Variants in FOXO3 observed in about 807,000 individuals in gnomAD.
FOXO3 encodes forkhead box protein O3.
Under a neutral mutation model 41.9 loss-of-function variants are expected in FOXO3, and 4 were observed. The observed-to-expected ratio is 0.10, with a 90% CI of 0.05 to 0.22. The LOEUF (loss-of-function observed/expected upper bound fraction) is 0.22, where lower values mean the gene tolerates loss of function less well. Ranked by LOEUF, FOXO3 falls within the 10% of genes least tolerant of loss-of-function variation. The pLI, the probability that FOXO3 is intolerant of heterozygous loss-of-function variation, is 1.00. For missense variants in FOXO3, 534 were observed against 906.8 expected (o/e 0.59, Z 5.28); for synonymous variants, 318 against 389.3 (o/e 0.82, Z 2.16).
chr6:108,565,536 T>G (rs1470268863), intron 1 of FOXO3, among the ~76,000 whole-genome samples: 1 of 152,224 alleles, frequency 6.6e-6, no homozygotes, highest in African/African-American at 2.4e-5. Context: ...ACAGCACACA[T>G]CTGCTTTTCC....
chr6:108,666,639 G>A (rs745633521), intron 2 of FOXO3, among the ~76,000 whole-genome samples: 20 of 151,910 alleles, frequency 1.3e-4, no homozygotes, highest in East Asian at 1.9e-4. Context: ...CACCGTGCCC[G>A]GCCTAGATTC....
At position 108,641,189 on chromosome 6, in the gene FOXO3, C is replaced by T. The variant is rs140867209; in HGVS notation, c.622-22266C>T. The stretch of plus-strand genomic sequence containing the variant: ...CCTCCCAGAGTGCTGGGATTATAAG[C>T]GTTAGCCACCTTGACTGGCTGGAAA... On this transcript the variant is annotated intron_variant, in intron 1 of 2. Transcript: ENST00000406360. 1.4e-3 allele frequency among the ~76,000 whole-genome samples: 216 copies of T among 152,202 alleles called. 2 individuals are homozygous for T. Among genetic ancestry groups the T allele is most frequent in the Middle Eastern group, 0.01 (3 of 294 alleles).
chr6:108,667,598 A>C (rs1779100385), intron 2 of FOXO3, among the ~76,000 whole-genome samples: 1 of 152,216 alleles, frequency 6.6e-6, no homozygotes, highest in Admixed American at 6.5e-5. Flanking sequence ...GATTGTACAG[A>C]AAATTAAGGG....
chr6:108,604,969 T>G (rs949114705), intron 1 of FOXO3, among the ~76,000 whole-genome samples: 9 of 152,224 alleles, frequency 5.9e-5, no homozygotes, highest in African/African-American at 1.9e-4. Flanking sequence ...TACTTTATAC[T>G]GTTCCACCAC....
In FOXO3 at chr6:108,586,387, C is replaced by T. The variant is rs12664353; in HGVS notation, c.621+24558C>T. Among the ~76,000 whole-genome samples, 152 of 152,296 alleles carry T rather than the reference C, an allele frequency of 1.0e-3. 2 individuals are homozygous for T. In the East Asian group the frequency reaches 0.019, roughly 19 times the overall value. On this transcript the variant is annotated intron_variant, in intron 1 of 2. Coordinates refer to ENST00000406360, the MANE Select transcript of FOXO3 (RefSeq NM_001455.4). ...ATAAAGAGAACACTGATCTAATAAA[C>T]GACATTCTCCTGCTTGAAACTTGGT...
At chr6:108,635,272 G>A (rs1301886303) in intron 1 of FOXO3, among the ~76,000 whole-genome samples, 1 of 151,984 alleles carries the variant, frequency 6.6e-6, no homozygotes, top group Non-Finnish European at 1.5e-5. Flanking sequence ...TGTGGCCTGG[G>A]CAACAGAGCA....
At chr6:108,560,295 T>TC (rs1258730634), upstream of FOXO3, among the ~76,000 whole-genome samples, 1 of 151,996 alleles carries the variant, frequency 6.6e-6, no homozygotes, top group African/African-American at 2.4e-5. Flanking sequence ...ACTCGCTCCC[T>TC]CCCCCGGATC....
At chr6:108,659,215 A>AT (rs904247377) in intron 1 of FOXO3, among the ~76,000 whole-genome samples, 2 of 151,710 alleles carry the variant, frequency 1.3e-5, no homozygotes, top group Non-Finnish European at 2.9e-5. Context: ...TTAAAAAAAA[A>AT]TTTTTTTTTA....
At chr6:108,603,908 AAG>A (rs1764579560) in intron 1 of FOXO3, among the ~76,000 whole-genome samples, 1 of 152,194 alleles carries the variant, frequency 6.6e-6, no homozygotes, top group African/African-American at 2.4e-5. Context: ...TTTATTTAAA[AAG>A]AAGTATTTTT....
intron 1 of FOXO3, among the ~76,000 whole-genome samples, chr6:108,656,763 CA>C (rs2128384619): frequency 6.6e-6 from 1 of 152,368 alleles, no homozygotes; most frequent in Non-Finnish European, 1.5e-5. Flanking sequence ...TTCTCTCTCA[CA>C]CCTAATCTGA....
intron 1 of FOXO3, among the ~76,000 whole-genome samples, chr6:108,630,241 G>A (rs1777926991): frequency 6.6e-6 from 1 of 152,096 alleles, no homozygotes; most frequent in Non-Finnish European, 1.5e-5. Context: ...TGAAGAGGAG[G>A]GTACAAGGAA....
At chr6:108,623,520 C>T (rs1777730305) in intron 1 of FOXO3, among the ~76,000 whole-genome samples, 1 of 152,172 alleles carries the variant, frequency 6.6e-6, no homozygotes, top group South Asian at 2.1e-4. Flanking sequence ...TAGGCTTCAG[C>T]TTTGGGAAAG....
chr6:108,600,808 A>G (rs1171965406), intron 1 of FOXO3, among the ~76,000 whole-genome samples: 3 of 152,182 alleles, frequency 2.0e-5, no homozygotes, highest in Non-Finnish European at 4.4e-5. Context: ...TTATGTCATT[A>G]AATAATCATC....
intron 1 of FOXO3, among the ~76,000 whole-genome samples, chr6:108,646,142 A>G (rs1582811195): frequency 6.6e-6 from 1 of 152,280 alleles, no homozygotes; most frequent in African/African-American, 2.4e-5. Context: ...AATGGAGGCC[A>G]AAAGGAGGAA....
intron 1 of FOXO3, among the ~76,000 whole-genome samples, chr6:108,581,392 A>T (rs964187902): frequency 1.3e-5 from 2 of 152,154 alleles, no homozygotes; most frequent in African/African-American, 4.8e-5. Flanking sequence ...TAGTTGTGTG[A>T]TTGTGATGAA....
At position 108,561,426 on chromosome 6, in the gene FOXO3, C is replaced by G; in HGVS notation, c.218C>G (p.Ala73Gly). 2 of 1,538,110 alleles carry G rather than the reference C, an allele frequency of 1.3e-6. No homozygotes were observed. The highest frequency in any genetic ancestry group is 2.4e-5 in the South Asian group (2 of 82,432). Reference protein sequence around the residue: ...DEDDEDGGGRAGSAMAIGGGG... With the variant: ...DEDDEDGGGRGGSAMAIGGGG... ...GACGACGAGGACGGCGGGGGACGGG[C>G]CGGCTCGGCCATGGCGATCGGCGGC... is the stretch of plus-strand genomic sequence containing the variant. Residue 73 changes from alanine to glycine, a missense_variant, in exon 1 of 3, where the codon GCC becomes GGC. This residue lies in a region of FOXO3 where 139 missense variants were observed against 163.7 expected (regional missense o/e 0.85). Transcript: ENST00000406360.
In FOXO3 at chr6:108,680,796, A is replaced by C. The variant is rs2128394191; in HGVS notation, c.*1004A>C. 1 of 152,314 alleles carries C rather than the reference A, an allele frequency of 6.6e-6. No homozygotes were observed. The highest frequency in any genetic ancestry group is 2.1e-4 in the South Asian group (1 of 4,820). The allele number at this position is 152,314 out of a possible 1,614,324, so 9.4% of individuals were successfully genotyped here. A position where few individuals can be genotyped will look rare whatever the true frequency, so the allele number is the denominator to read the frequency against. On this transcript the variant is annotated 3_prime_UTR_variant, in exon 3 of 3. Transcript: ENST00000406360. ...AAGTCCTGTTTTGCTTTGCAGAACA[A>C]ATGAACTTACAGGTGAGCATTAAGC...
chr6:108,649,103 T>TA (rs1194757270), intron 1 of FOXO3, among the ~76,000 whole-genome samples: 1 of 151,624 alleles, frequency 6.6e-6, no homozygotes, highest in Non-Finnish European at 1.5e-5. Context: ...AGGGATCTGT[T>TA]ATTCTCTCAT....
rs1206773672 is a variant in FOXO3, at chr6:108,682,126, C to G, written c.*2334C>G. Reference sequence around the variant, plus strand: ...TACTTACCTTTGCAGTTTTACAGACCCTGGGAGCTGCTTTGGGAGTGAGAA... The same window carrying G: ...TACTTACCTTTGCAGTTTTACAGACGCTGGGAGCTGCTTTGGGAGTGAGAA... On this transcript the variant is annotated 3_prime_UTR_variant, in exon 3 of 3. Transcript: ENST00000406360. The G allele has an allele frequency of 1.3e-5, 2 of 152,564 alleles. No individual in the cohort carries two copies. The highest frequency in any genetic ancestry group is 4.8e-5 in the African/African-American group (2 of 41,412). 9.5% of individuals were successfully genotyped at this position (152,564 alleles called of 1,614,324 possible). A position where few individuals can be genotyped will look rare whatever the true frequency, so the allele number is the denominator to read the frequency against.
Sources: allele counts gnomAD v4.1 joint callset (sites outside exome capture counted in the v4.1 genomes callset), GRCh38; gene constraint gnomAD v4.1.1; regional missense constraint gnomAD v4.1.1; transcripts MANE v1.5; gene names NCBI Gene and HGNC (gene_info 2026-07-23, HGNC 2026-07-21).